Variants in LPP observed in about 807,000 individuals in gnomAD.
The protein encoded by LPP is lipoma-preferred partner.
Under a neutral mutation model 60.4 loss-of-function variants are expected in LPP, and 38 were observed. The ratio of observed to expected loss-of-function variants is 0.63; its 90% CI spans 0.49 to 0.83. The LOEUF (loss-of-function observed/expected upper bound fraction) is 0.83, where lower values mean the gene tolerates loss of function less well. Among genes scored for constraint, LPP ranks in the 40% least tolerant of loss-of-function variants. LPP has a pLI of 0.00. For missense variants in LPP, 902 were observed against 783.6 expected, an observed-to-expected ratio of 1.15 and a Z score of -1.80; for synonymous variants, 328 against 290.8, an observed-to-expected ratio of 1.13 and a Z score of -1.30.
intron 7 of LPP, among the ~76,000 whole-genome samples, chr3:188,679,483 G>A (rs947117153): frequency 8.6e-5 from 13 of 150,462 alleles, no homozygotes; most frequent in Non-Finnish European, 1.3e-4. Flanking sequence ...AGTCTTTCTC[G>A]TCGTCCTGTC....
At chr3:188,383,401 T>C (rs1158986026) in intron 3 of LPP, among the ~76,000 whole-genome samples, 4 of 152,212 alleles carry the variant, frequency 2.6e-5, no homozygotes, top group African/African-American at 9.6e-5. Flanking sequence ...TTGATTTTTG[T>C]TGTTGTTATT....
chr3:188,453,957 A>G (rs1797178653), intron 4 of LPP, among the ~76,000 whole-genome samples: 1 of 152,200 alleles, frequency 6.6e-6, no homozygotes, highest in Non-Finnish European at 1.5e-5. Context: ...CTCATTCCAT[A>G]TATGTCTATC....
At chr3:188,381,728 C>A (rs903895417) in intron 3 of LPP, among the ~76,000 whole-genome samples, 1 of 152,028 alleles carries the variant, frequency 6.6e-6, no homozygotes, top group African/African-American at 2.4e-5. Flanking sequence ...AAATGAATCG[C>A]CTTATAGTTA....
In LPP at chr3:188,591,078, G is replaced by C. The variant is rs1374716978; in HGVS notation, c.430-18083G>C. ...CACATAGGAGCCTCCACAGCCAGAG[G>C]ATTACTTTCAGAATTGGAGGCAAGA... On this transcript the variant is annotated intron_variant, in intron 6 of 11. Transcript: ENST00000617246. Among the ~76,000 whole-genome samples, 3 of 152,170 alleles carry C rather than the reference G, an allele frequency of 2.0e-5. No individual in the cohort carries two copies. The East Asian group carries it at 5.8e-4, about 29-fold the overall frequency.
Position 188,295,008 on chromosome 3 carries a change from C to T in LPP, c.-66-46655C>T, listed in dbSNP as rs559194249. 1.3e-3 allele frequency among the ~76,000 whole-genome samples: 198 copies of T among 152,298 alleles called. 1 individual carries two copies. Among genetic ancestry groups the T allele is most frequent in the South Asian group, 3.5e-3 (17 of 4,822 alleles). ...TTGAGTATAGACAGCTTTTCCCATC[C>T]TCCATCAGGGTCATTGTCCCACCTT... On this transcript the variant is annotated intron_variant, in intron 2 of 11. Transcript: ENST00000617246.
intron 2 of LPP, among the ~76,000 whole-genome samples, chr3:188,264,949 G>T (rs939820599): frequency 6.6e-6 from 1 of 152,270 alleles, no homozygotes; most frequent in Admixed American, 6.5e-5. Flanking sequence ...AAAATGATGT[G>T]TCTTAGATTT....
intron 10 of LPP, among the ~76,000 whole-genome samples, chr3:188,870,569 T>C (rs1021878686): frequency 6.6e-6 from 1 of 152,218 alleles, no homozygotes; most frequent in African/African-American, 2.4e-5. Flanking sequence ...TTGCTGTCAG[T>C]AGAAAATTAC....
intron 1 of LPP, among the ~76,000 whole-genome samples, chr3:188,167,442 G>A (rs1429786453): frequency 3.3e-5 from 5 of 152,102 alleles, no homozygotes; most frequent in Non-Finnish European, 7.3e-5. Context: ...AGGTTGCAGT[G>A]AGCTGAGATT....
chr3:188,218,618 A>C (rs1477888056), intron 1 of LPP, among the ~76,000 whole-genome samples: 1 of 152,148 alleles, frequency 6.6e-6, no homozygotes, highest in Non-Finnish European at 1.5e-5. Flanking sequence ...GTTTCTTCTA[A>C]AATTTCTTTT....
intron 1 of LPP, among the ~76,000 whole-genome samples, chr3:188,204,355 G>A (rs1432773334): frequency 6.6e-6 from 1 of 152,118 alleles, no homozygotes; most frequent in Non-Finnish European, 1.5e-5. Context: ...CTGGTGAGGA[G>A]TCAACTGGGA....
At chr3:188,789,722 C>A (rs1190501347) in intron 9 of LPP, among the ~76,000 whole-genome samples, 2 of 152,062 alleles carry the variant, frequency 1.3e-5, no homozygotes, top group Admixed American at 1.3e-4. Context: ...TTTTAAAAAT[C>A]TCATGAAATT....
chr3:188,424,499 AT>A (rs889092239), intron 4 of LPP, among the ~76,000 whole-genome samples: 4 of 152,050 alleles, frequency 2.6e-5, no homozygotes, highest in Non-Finnish European at 5.9e-5. Flanking sequence ...AAGAATGTCA[AT>A]GCTAGCTTGA....
intron 2 of LPP, among the ~76,000 whole-genome samples, chr3:188,337,085 G>A (rs1370783108): frequency 1.3e-5 from 2 of 152,152 alleles, no homozygotes; most frequent in East Asian, 3.9e-4. Context: ...GGTAGATTAA[G>A]TGACTCTACC....
chr3:188,801,049 C>A (rs527494521), intron 9 of LPP, among the ~76,000 whole-genome samples: 1 of 152,114 alleles, frequency 6.6e-6, no homozygotes, highest in African/African-American at 2.4e-5. Context: ...TCCTCTTCTC[C>A]GAACTCACAC....
At chr3:188,172,154 A>G (rs2148813979) in intron 1 of LPP, among the ~76,000 whole-genome samples, 1 of 152,342 alleles carries the variant, frequency 6.6e-6, no homozygotes. Context: ...TGTATTAAAC[A>G]AACTACTCAC....
At chr3:188,646,189 A>G (rs781230965) in intron 7 of LPP, among the ~76,000 whole-genome samples, 2 of 152,136 alleles carry the variant, frequency 1.3e-5, no homozygotes, top group Non-Finnish European at 2.9e-5. Flanking sequence ...AGCTTCATTC[A>G]TTCACCCTAG....
At chr3:188,611,670 G>A (rs1317193399) in intron 7 of LPP, among the ~76,000 whole-genome samples, 1 of 152,226 alleles carries the variant, frequency 6.6e-6, no homozygotes, top group African/African-American at 2.4e-5. Flanking sequence ...ATGACATGGT[G>A]TCTGCCTTGT....
chr3:188,466,834 T>TATATAG (rs1553906194), intron 4 of LPP, among the ~76,000 whole-genome samples: 3,506 of 126,084 alleles, frequency 0.028, 132 homozygotes, highest in Non-Finnish European at 0.042. Context: ...TATATATATA[T>TATATAG]ATATATATGC....
At chr3:188,465,360 T>A (rs1018896172) in intron 4 of LPP, among the ~76,000 whole-genome samples, 1 of 152,186 alleles carries the variant, frequency 6.6e-6, no homozygotes, top group Non-Finnish European at 1.5e-5. Flanking sequence ...TTCGGTGTTA[T>A]GTCCAAGAAA....
Sources: gnomAD v4.1 joint callset for allele counts (sites outside exome capture counted in the v4.1 genomes callset) on GRCh38, gnomAD v4.1.1 for gene constraint, MANE v1.5 for transcripts, NCBI Gene and HGNC (gene_info 2026-07-23, HGNC 2026-07-21) for gene names.